LAMA1: variants seen among roughly 807,000 people sequenced by gnomAD.
LAMA1 encodes the protein laminin subunit alpha 1, also known as laminin subunit alpha-1.
Under a neutral mutation model 348.7 loss-of-function variants are expected in LAMA1, and 219 were observed. The observed-to-expected ratio is 0.63, with a 90% CI of 0.56 to 0.70. LAMA1 has a LOEUF of 0.70. Ranked by LOEUF, LAMA1 falls within the 30% of genes least tolerant of loss-of-function variation. LAMA1 has a pLI of 0.00. For synonymous variants in LAMA1, 1,487 were observed against 1,491.0 expected (o/e 1.00, Z 0.06); for missense variants, 3,744 against 3,888.0 (o/e 0.96, Z 0.99).
At position 7,080,219 on chromosome 18, in the gene LAMA1, G is replaced by A. The variant is rs2058187400; in HGVS notation, c.232+68C>T. On this transcript the variant is annotated intron_variant, in intron 2 of 62. Coordinates refer to ENST00000389658, the MANE Select transcript of LAMA1 (RefSeq NM_005559.4). ...CAATGTTTATGGCTTCCTAACAGAA[G>A]TCTCAGTCCTCATTTCACAAAGTGT... 3 of 1,604,972 alleles carry A rather than the reference G, an allele frequency of 1.9e-6. No individual in the cohort carries two copies. In the Admixed American group the frequency reaches 5.0e-5, roughly 27 times the overall value.
intron 3 of LAMA1, among the ~76,000 whole-genome samples, chr18:7,075,211 T>C (rs1226327418): frequency 6.6e-6 from 1 of 152,192 alleles, no homozygotes; most frequent in Non-Finnish European, 1.5e-5. Flanking sequence ...AATCTATACT[T>C]TAGATTTTAC....
At chr18:6,989,649 G>A (rs2057750084) in intron 36 of LAMA1, among the ~76,000 whole-genome samples, 1 of 151,912 alleles carries the variant, frequency 6.6e-6, no homozygotes, top group Admixed American at 6.6e-5. Flanking sequence ...CAAATTAAAG[G>A]GATCCTAGAG....
At chr18:7,062,197 G>A (rs115758885) in intron 3 of LAMA1, among the ~76,000 whole-genome samples, 276 of 152,368 alleles carry the variant, frequency 1.8e-3, no homozygotes, top group African/African-American at 6.2e-3. Context: ...AGTCACCAGG[G>A]AGAAGGGTGG....
intron 61 of LAMA1, among the ~76,000 whole-genome samples, chr18:6,944,651 G>A (rs2057514319): frequency 1.3e-5 from 2 of 152,160 alleles, no homozygotes; most frequent in African/African-American, 4.8e-5. Flanking sequence ...CAGGGAGAAC[G>A]AGGCATCTGT....
intron 25 of LAMA1, among the ~76,000 whole-genome samples, chr18:7,011,099 T>A (rs1045857851): frequency 6.6e-6 from 1 of 152,222 alleles, no homozygotes; most frequent in African/African-American, 2.4e-5. Flanking sequence ...CTTAAAAAAC[T>A]TTTAAAATTA....
intron 3 of LAMA1, among the ~76,000 whole-genome samples, chr18:7,061,296 G>A (rs2058101109): frequency 6.6e-6 from 1 of 152,182 alleles, no homozygotes. Flanking sequence ...TGTTCTTGGT[G>A]ATTTTGCTAA....
At chr18:7,104,964 G>A (rs1328156864) in intron 1 of LAMA1, among the ~76,000 whole-genome samples, 1 of 152,160 alleles carries the variant, frequency 6.6e-6, no homozygotes, top group Non-Finnish European at 1.5e-5. Context: ...CAGCTGGTCT[G>A]TAAGTCAATA....
intron 3 of LAMA1, among the ~76,000 whole-genome samples, chr18:7,054,653 T>C (rs1449541407): frequency 6.6e-6 from 1 of 152,156 alleles, no homozygotes; most frequent in Non-Finnish European, 1.5e-5. Context: ...CAGTTGACCC[T>C]TGAACAACAC....
Position 7,044,684 on chromosome 18 carries a change from G to A in LAMA1, c.976+38C>T, listed in dbSNP as rs751317911. ...CCATAAACTTGGGACGTATTAAGAGGAAAACTGTACTGACCTTCAGATTCT... is the reference window on the plus strand; with the variant it reads ...CCATAAACTTGGGACGTATTAAGAGAAAAACTGTACTGACCTTCAGATTCT... On this transcript the variant is annotated intron_variant, in intron 7 of 62. Transcript: ENST00000389658. The A allele has an allele frequency of 4.6e-6, 7 of 1,509,714 alleles. No individual in the cohort carries two copies. The East Asian group carries it at 1.1e-4, about 24-fold the overall frequency. 93.5% of individuals were successfully genotyped at this position (1,509,714 alleles called of 1,614,324 possible). A position where few individuals can be genotyped will look rare whatever the true frequency, so the allele number is the denominator to read the frequency against.
chr18:7,008,934 A>G (rs2057845863), intron 27 of LAMA1, among the ~76,000 whole-genome samples: 4 of 152,222 alleles, frequency 2.6e-5, no homozygotes, highest in Non-Finnish European at 5.9e-5. Context: ...ATACATCACT[A>G]CGAAGACATG....
chr18:6,953,510 T>TGG (rs1344377759), intron 57 of LAMA1, among the ~76,000 whole-genome samples: 1 of 152,190 alleles, frequency 6.6e-6, no homozygotes, highest in Non-Finnish European at 1.5e-5. Context: ...AGGCAACCAC[T>TGG]GGGGGTCCTG....
chr18:6,995,086 G>A (rs2057775173), intron 34 of LAMA1, among the ~76,000 whole-genome samples: 1 of 152,190 alleles, frequency 6.6e-6, no homozygotes, highest in Non-Finnish European at 1.5e-5. Context: ...TTGTTTCAGA[G>A]GAGAAAATGA....
chr18:7,037,316 G>C (rs1291691823), intron 12 of LAMA1, among the ~76,000 whole-genome samples: 1 of 152,196 alleles, frequency 6.6e-6, no homozygotes, highest in Non-Finnish European at 1.5e-5. Flanking sequence ...GTTTATCTCA[G>C]AGACGGGGAT....
intron 53 of LAMA1, 96 bp from the exon 54 acceptor site, chr18:6,959,588 T>C: frequency 7.7e-7 from 1 of 1,294,076 alleles, no homozygotes; most frequent in Non-Finnish European, 1.1e-6. Flanking sequence ...AAGATTAACA[T>C]CAAGTGAGTA....
At chr18:6,973,829 G>A (rs2057669320) in intron 46 of LAMA1, among the ~76,000 whole-genome samples, 1 of 152,188 alleles carries the variant, frequency 6.6e-6, no homozygotes, top group African/African-American at 2.4e-5. Flanking sequence ...CGCCCAGACT[G>A]GAACGCAGTG....
intron 3 of LAMA1, among the ~76,000 whole-genome samples, chr18:7,068,440 A>G (rs764290681): frequency 2.0e-5 from 3 of 152,224 alleles, no homozygotes; most frequent in African/African-American, 7.2e-5. Flanking sequence ...CTGAGATCCC[A>G]GTATGCACAA....
Position 7,009,212 on chromosome 18 carries a change from G to A in LAMA1, c.4001+27C>T, listed in dbSNP as rs367600453. Reference sequence around the variant, plus strand: ...GTTTGCTTTCAAATATGAAAATAACGGTCAAAATTCTAGAAGCTCCAAGTA... The same window carrying A: ...GTTTGCTTTCAAATATGAAAATAACAGTCAAAATTCTAGAAGCTCCAAGTA... On this transcript the variant is annotated intron_variant, in intron 27 of 62. Transcript: ENST00000389658. 105 of 1,613,526 alleles carry A rather than the reference G, an allele frequency of 6.5e-5. No individual in the cohort carries two copies. The African/African-American group carries it at 7.5e-4, about 11-fold the overall frequency.
At chr18:6,987,882 C>A (rs1246225498) in intron 36 of LAMA1, among the ~76,000 whole-genome samples, 7 of 152,024 alleles carry the variant, frequency 4.6e-5, no homozygotes, top group African/African-American at 1.7e-4. Flanking sequence ...ACAAATAAAC[C>A]CAATATATTT....
intron 42 of LAMA1, among the ~76,000 whole-genome samples, chr18:6,979,713 C>T (rs527421339): frequency 1.1e-4 from 17 of 152,150 alleles, no homozygotes; most frequent in African/African-American, 2.2e-4. Context: ...TCCTGGCTAA[C>T]ACGGTGAAAC....
Sources: gnomAD v4.1 joint callset for allele counts (sites outside exome capture counted in the v4.1 genomes callset) on GRCh38, gnomAD v4.1.1 for gene constraint, MANE v1.5 for transcripts, NCBI Gene and HGNC (gene_info 2026-07-23, HGNC 2026-07-21) for gene names.